Variants in NAALADL2 observed in about 807,000 individuals in gnomAD.
The protein encoded by NAALADL2 is inactive N-acetylated-alpha-linked acidic dipeptidase-like protein 2.
Under a neutral mutation model 87.2 loss-of-function variants are expected in NAALADL2, and 76 were observed. That is an observed-to-expected ratio of 0.87 (90% CI 0.72 to 1.05). The LOEUF is 1.05. Ranked by LOEUF, NAALADL2 falls within the 50% of genes least tolerant of loss-of-function variation. NAALADL2 has a pLI of 0.00. For missense variants in NAALADL2, 1,089 were observed against 945.8 expected (o/e 1.15, Z -1.99); for synonymous variants, 354 against 331.0 (o/e 1.07, Z -0.75).
chr3:174,995,784 C>T (rs1747359098), intron 1 of NAALADL2, among the ~76,000 whole-genome samples: 1 of 140,592 alleles, frequency 7.1e-6, no homozygotes, highest in African/African-American at 2.7e-5. Context: ...TACGCTATTA[C>T]TGAAAAAAAA....
In NAALADL2 at chr3:174,907,310, G is replaced by A. The variant is rs80097465; in HGVS notation, c.43+47860G>A. ...AAAGATACAGCAAATTACCCAAGAT[G>A]GAGCTGTTGCTTGAACTGAGATCTG... On this transcript the variant is annotated intron_variant, in intron 1 of 13. Coordinates refer to ENST00000454872, the MANE Select transcript of NAALADL2 (RefSeq NM_207015.3). 2.1e-3 allele frequency among the ~76,000 whole-genome samples: 325 copies of A among 152,146 alleles called. 2 individuals are homozygous for A. Among genetic ancestry groups the A allele is most frequent in the East Asian group, 0.019 (100 of 5,186 alleles).
At chr3:174,848,462 T>G (rs1724882802) in intron 3 of NAALADL2, among the ~76,000 whole-genome samples, 1 of 152,156 alleles carries the variant, frequency 6.6e-6, no homozygotes, top group African/African-American at 2.4e-5. Context: ...TTTGGAAACA[T>G]GAATAGGTGA....
chr3:174,844,834 G>GT lies in NAALADL2; in HGVS notation c.-9+107088_-9+107089insT, dbSNP rs1560280732. Among the ~76,000 whole-genome samples the GT allele has an allele frequency of 6.1e-4, 47 of 76,434 alleles. 1 individual carries two copies. Among genetic ancestry groups the GT allele is most frequent in the African/African-American group, 3.1e-3 (47 of 15,394 alleles). 50.1% of individuals were successfully genotyped at this position (76,434 alleles called of 152,430 possible). A position where few individuals can be genotyped will look rare whatever the true frequency, so the allele number is the denominator to read the frequency against. On this transcript the variant is annotated intron_variant, in intron 3 of 3. Coordinates refer to the NAALADL2 transcript ENST00000434257. ...AATGAACTTGTTTATTAGTTCTAAT[G>GT]GTTTTTTTTTTTTTTTTTTTTTTTT...
intron 1 of NAALADL2, among the ~76,000 whole-genome samples, chr3:174,935,786 T>C (rs566967803): frequency 3.3e-5 from 5 of 152,176 alleles, no homozygotes; most frequent in Non-Finnish European, 5.9e-5. Flanking sequence ...TGACATTCTG[T>C]TTGCCTCTCA....
intron 1 of NAALADL2, among the ~76,000 whole-genome samples, chr3:174,533,629 A>G (rs1346743045): frequency 3.4e-3 from 7 of 2,034 alleles, no homozygotes; most frequent in Non-Finnish European, 0.021. Context: ...ATTAGTTGGA[A>G]AAAAAAAAAA....
intron 2 of NAALADL2, among the ~76,000 whole-genome samples, chr3:174,609,411 A>C (rs1174524392): frequency 6.6e-6 from 1 of 152,004 alleles, no homozygotes; most frequent in African/African-American, 2.4e-5. Flanking sequence ...ATATCTAGAA[A>C]ACCCCATTGT....
At chr3:175,168,150 T>C (rs1217695708) in intron 2 of NAALADL2, among the ~76,000 whole-genome samples, 2 of 143,770 alleles carry the variant, frequency 1.4e-5, no homozygotes, top group African/African-American at 2.5e-5. Context: ...ACCACAGATA[T>C]GTAAGTTACA....
intron 10 of NAALADL2, among the ~76,000 whole-genome samples, chr3:175,623,075 G>A (rs1237352770): frequency 6.6e-6 from 1 of 151,828 alleles, no homozygotes; most frequent in Non-Finnish European, 1.5e-5. Flanking sequence ...TAAAAAGAAG[G>A]GCAAGAAGGA....
At chr3:175,474,700 G>A (rs74966100) in intron 9 of NAALADL2, among the ~76,000 whole-genome samples, 5,059 of 148,350 alleles carry the variant, frequency 0.034, 103 homozygotes, top group Non-Finnish European at 0.051. Context: ...GCTGGCATTG[G>A]GGGGAGGTTT....
chr3:175,658,643 C>T (rs1473207156), intron 11 of NAALADL2, among the ~76,000 whole-genome samples: 2 of 152,022 alleles, frequency 1.3e-5, no homozygotes, highest in African/African-American at 4.8e-5. Context: ...TATGGTTTCA[C>T]AATTGATTTG....
chr3:174,770,126 A>G (rs1714353057), intron 3 of NAALADL2, among the ~76,000 whole-genome samples: 1 of 152,230 alleles, frequency 6.6e-6, no homozygotes, highest in Non-Finnish European at 1.5e-5. Flanking sequence ...ACTCATGTAC[A>G]CAAACACACA....
At chr3:175,693,502 G>A (rs1339390065) in intron 11 of NAALADL2, among the ~76,000 whole-genome samples, 1 of 152,116 alleles carries the variant, frequency 6.6e-6, no homozygotes, top group Non-Finnish European at 1.5e-5. Context: ...TTTAGGTAAA[G>A]TTAAATTCTT....
chr3:174,571,301 A>ACC (rs1560063489), intron 2 of NAALADL2, among the ~76,000 whole-genome samples: 1 of 152,190 alleles, frequency 6.6e-6, no homozygotes. Flanking sequence ...GACTATTGTA[A>ACC]CCTTAATAGC....
At chr3:175,644,672 T>C (rs1415705245) in intron 11 of NAALADL2, among the ~76,000 whole-genome samples, 3 of 121,092 alleles carry the variant, frequency 2.5e-5, no homozygotes, top group African/African-American at 4.4e-5. Flanking sequence ...ATCTGATAGT[T>C]TGTGGTTCCT....
rs149591732 is a variant in NAALADL2, at chr3:175,636,881, G to A, written c.1896+9495G>A. Among the ~76,000 whole-genome samples, 26 of 152,166 alleles carry A rather than the reference G, an allele frequency of 1.7e-4. No individual in the cohort carries two copies. In the East Asian group the frequency reaches 4.8e-3, roughly 28 times the overall value. On this transcript the variant is annotated intron_variant, in intron 11 of 13. Transcript: ENST00000454872. ...AAAATATATGACATTTTAAGACACA[G>A]TTTCTTCCTGTCATTTAAGGGTTAA...
At chr3:175,791,239 C>T (rs1752741924) in intron 13 of NAALADL2, among the ~76,000 whole-genome samples, 1 of 152,142 alleles carries the variant, frequency 6.6e-6, no homozygotes, top group Admixed American at 6.5e-5. Flanking sequence ...TTTCTATTAC[C>T]AGTGTAGTGG....
At chr3:175,036,828 G>C (rs1341553140) in intron 1 of NAALADL2, among the ~76,000 whole-genome samples, 1 of 92,614 alleles carries the variant, frequency 1.1e-5, no homozygotes, top group African/African-American at 4.6e-5. Flanking sequence ...TTTTTTTAGC[G>C]TTCCTATACT....
intron 9 of NAALADL2, among the ~76,000 whole-genome samples, chr3:175,531,017 TG>T (rs1734025302): frequency 6.6e-6 from 1 of 152,096 alleles, no homozygotes; most frequent in Non-Finnish European, 1.5e-5. Flanking sequence ...GATTTACCTA[TG>T]GGGGCCTGTG....
intron 6 of NAALADL2, among the ~76,000 whole-genome samples, chr3:175,447,862 C>CTTG (rs2149224239): frequency 6.6e-6 from 1 of 152,266 alleles, no homozygotes; most frequent in South Asian, 2.1e-4. Context: ...TTTGTCAGGC[C>CTTG]TTGTTGGACC....
Sources: allele counts gnomAD v4.1 joint callset (sites outside exome capture counted in the v4.1 genomes callset), GRCh38; gene constraint gnomAD v4.1.1; transcripts MANE v1.5; gene names NCBI Gene and HGNC (gene_info 2026-07-23, HGNC 2026-07-21).